The following NRXN1 variants were observed in gnomAD, a reference collection of about 807,000 sequenced individuals.
The protein encoded by NRXN1 is neurexin-1.
Under a neutral mutation model 150.9 loss-of-function variants are expected in NRXN1, and 39 were observed. The observed-to-expected ratio is 0.26, with a 90% CI of 0.20 to 0.34. The LOEUF is 0.34. NRXN1 is among the 10% of genes least tolerant of loss of function. The pLI, the probability that NRXN1 is intolerant of heterozygous loss-of-function variation, is 1.00. For missense variants in NRXN1, 1,815 were observed against 1,949.9 expected, an observed-to-expected ratio of 0.93 and a Z score of 1.30; for synonymous variants, 924 against 757.0, an observed-to-expected ratio of 1.22 and a Z score of -3.62.
intron 18 of NRXN1, among the ~76,000 whole-genome samples, chr2:50,175,687 G>T (rs531371449): frequency 5.9e-5 from 9 of 151,920 alleles, no homozygotes; most frequent in Non-Finnish European, 1.3e-4. Context: ...AAGAAAAACT[G>T]CTTAATTTTA....
intron 2 of NRXN1, among the ~76,000 whole-genome samples, chr2:51,018,990 T>C (rs138729286): frequency 7.2e-4 from 110 of 152,240 alleles, no homozygotes; most frequent in Middle Eastern, 3.4e-3. Flanking sequence ...GCTATTCCAT[T>C]TTCTTTATTA....
intron 19 of NRXN1, among the ~76,000 whole-genome samples, chr2:50,064,770 A>G (rs1489744641): frequency 2.0e-5 from 3 of 152,218 alleles, no homozygotes; most frequent in Admixed American, 6.5e-5. Flanking sequence ...TGCCTTGTAA[A>G]GAAAGCAACA....
At chr2:50,215,117 A>T (rs975173296) in intron 18 of NRXN1, among the ~76,000 whole-genome samples, 1 of 152,008 alleles carries the variant, frequency 6.6e-6, no homozygotes, top group Admixed American at 6.6e-5. Context: ...GAATTATTTT[A>T]TCTGATACAG....
At chr2:50,525,450 C>A (rs1304085609) in intron 12 of NRXN1, among the ~76,000 whole-genome samples, 1 of 152,190 alleles carries the variant, frequency 6.6e-6, no homozygotes, top group Non-Finnish European at 1.5e-5. Context: ...GATTGTCCTT[C>A]TATTCCTATC....
At chr2:50,591,758 G>A (rs1469956116) in intron 8 of NRXN1, among the ~76,000 whole-genome samples, 1 of 152,204 alleles carries the variant, frequency 6.6e-6, no homozygotes, top group Non-Finnish European at 1.5e-5. Context: ...TCTTCCCTCA[G>A]TGGATGCTGC....
At chr2:50,419,816 T>G (rs1022720954) in intron 17 of NRXN1, among the ~76,000 whole-genome samples, 1 of 152,082 alleles carries the variant, frequency 6.6e-6, no homozygotes, top group African/African-American at 2.4e-5. Flanking sequence ...TGAGAGATGG[T>G]TAGTGAATTT....
chr2:49,940,469 C>A (rs1671789598), intron 22 of NRXN1, among the ~76,000 whole-genome samples: 1 of 151,968 alleles, frequency 6.6e-6, no homozygotes, highest in Admixed American at 6.6e-5. Context: ...GGATTGCAAG[C>A]AGGAAAAAGA....
At chr2:50,884,073 A>T (rs1037107452) in intron 5 of NRXN1, among the ~76,000 whole-genome samples, 4 of 151,824 alleles carry the variant, frequency 2.6e-5, no homozygotes, top group African/African-American at 9.7e-5. Flanking sequence ...AGGTAAATAT[A>T]AAGCACAAAA....
At chr2:50,507,842 T>A (rs563972658) in intron 12 of NRXN1, among the ~76,000 whole-genome samples, 1 of 152,172 alleles carries the variant, frequency 6.6e-6, no homozygotes, top group Admixed American at 6.5e-5. Flanking sequence ...TGAAGGGCAT[T>A]ATATCATTGA....
At chr2:50,219,347 T>A (rs2063631736) in intron 18 of NRXN1, among the ~76,000 whole-genome samples, 1 of 129,686 alleles carries the variant, frequency 7.7e-6, no homozygotes. Context: ...CAAAACTGTG[T>A]TCTGTTTTGG....
intron 18 of NRXN1, among the ~76,000 whole-genome samples, chr2:50,093,143 T>A (rs1657882533): frequency 1.3e-5 from 2 of 152,246 alleles, no homozygotes; most frequent in Admixed American, 1.3e-4. Context: ...AAAATCTCCA[T>A]AAGTCTTTGA....
chr2:49,927,675 G>C (rs1392438850), intron 22 of NRXN1, among the ~76,000 whole-genome samples: 1 of 152,140 alleles, frequency 6.6e-6, no homozygotes, highest in Non-Finnish European at 1.5e-5. Context: ...TTGCAACTCT[G>C]CATGATAAAT....
intron 17 of NRXN1, among the ~76,000 whole-genome samples, chr2:50,337,083 C>CTTTTTTTTTTTTTT (rs768582035): frequency 1.5e-5 from 2 of 133,084 alleles, no homozygotes; most frequent in Admixed American, 7.6e-5. Context: ...TTTTCTTTTT[C>CTTTTTTTTTTTTTT]TTTTTTTTTT....
Position 50,271,825 on chromosome 2 carries a change from T to A in NRXN1, c.3365-34855A>T, listed in dbSNP as rs1381135769. Among the ~76,000 whole-genome samples the A allele has an allele frequency of 2.0e-5, 3 of 152,260 alleles. No homozygotes were observed. In the East Asian group the frequency reaches 5.8e-4, roughly 29 times the overall value. On this transcript the variant is annotated intron_variant, in intron 17 of 22. Coordinates refer to ENST00000401669, the MANE Select transcript of NRXN1 (RefSeq NM_001330078.2). Reference sequence around the variant, plus strand: ...TTTCCTTTTCCTTCATAAACAAAATTTTTTAAAAAGACAAGAGAAAAAAAA... The same window carrying A: ...TTTCCTTTTCCTTCATAAACAAAATATTTTAAAAAGACAAGAGAAAAAAAA...
chr2:50,867,720 G>C (rs921900778), intron 5 of NRXN1, among the ~76,000 whole-genome samples: 1 of 151,734 alleles, frequency 6.6e-6, no homozygotes, highest in Non-Finnish European at 1.5e-5. Context: ...ATTTTAAAAA[G>C]CACTTTGGCT....
At chr2:50,348,958 T>A (rs899452719) in intron 17 of NRXN1, among the ~76,000 whole-genome samples, 1 of 152,148 alleles carries the variant, frequency 6.6e-6, no homozygotes, top group Admixed American at 6.5e-5. Flanking sequence ...AAGTCCAGTA[T>A]TTTTTAAAAA....
intron 17 of NRXN1, among the ~76,000 whole-genome samples, chr2:50,334,209 A>ATATATGTATGTATG (rs760530144): frequency 8.2e-6 from 1 of 121,472 alleles, no homozygotes; most frequent in East Asian, 2.4e-4. Context: ...ATATATATAT[A>ATATATGTATGTATG]TATGTATGTA....
chr2:50,468,461 A>T (rs997897804), intron 16 of NRXN1, among the ~76,000 whole-genome samples: 1 of 151,602 alleles, frequency 6.6e-6, no homozygotes. Flanking sequence ...AAACATTGAC[A>T]GGTATTACAC....
chr2:50,323,200 C>G (rs536128413), intron 17 of NRXN1, among the ~76,000 whole-genome samples: 1 of 152,146 alleles, frequency 6.6e-6, no homozygotes, highest in Admixed American at 6.5e-5. Context: ...AGCTCTAAAA[C>G]TTTAACATAC....
Sources: gnomAD v4.1 joint callset for allele counts (sites outside exome capture counted in the v4.1 genomes callset) on GRCh38, gnomAD v4.1.1 for gene constraint, MANE v1.5 for transcripts, NCBI Gene and HGNC (gene_info 2026-07-23, HGNC 2026-07-21) for gene names.